MGMT: variants seen among roughly 807,000 people sequenced by gnomAD.
MGMT encodes the protein methylated-DNA--protein-cysteine methyltransferase.
A neutral mutation model predicts 15.9 loss-of-function variants in MGMT; 14 were observed. The ratio of observed to expected loss-of-function variants is 0.88; its 90% confidence interval spans 0.58 to 1.37. MGMT has a LOEUF of 1.37. MGMT is among the 40% of genes most tolerant of loss of function. The pLI is 0.00. For synonymous variants in MGMT, 130 were observed against 118.2 expected (o/e 1.10, Z -0.65); for missense variants, 282 against 268.1 (o/e 1.05, Z -0.36).
intron 2 of MGMT, among the ~76,000 whole-genome samples, chr10:129,618,146 T>G (rs1347942593): frequency 6.6e-6 from 1 of 152,262 alleles, no homozygotes; most frequent in Middle Eastern, 3.4e-3. Context: ...AGATTTACTT[T>G]TTAAAGTTTC....
intron 2 of MGMT, among the ~76,000 whole-genome samples, chr10:129,573,693 G>A (rs927036877): frequency 6.6e-6 from 1 of 151,862 alleles, no homozygotes; most frequent in African/African-American, 2.4e-5. Flanking sequence ...AGTATCTTTT[G>A]AATTACTCGA....
intron 3 of MGMT, among the ~76,000 whole-genome samples, chr10:129,716,078 C>G (rs1848292596): frequency 6.6e-6 from 1 of 152,214 alleles, no homozygotes; most frequent in Non-Finnish European, 1.5e-5. Context: ...GTCTCCAGCT[C>G]TGTAGCACGT....
intron 2 of MGMT, among the ~76,000 whole-genome samples, chr10:129,655,200 A>ACCC: frequency 6.6e-6 from 1 of 152,246 alleles, no homozygotes; most frequent in Middle Eastern, 3.4e-3. Flanking sequence ...GGCCCCGCGG[A>ACCC]GGGCCTGGGC....
chr10:129,726,931 A>G (rs981567887), intron 3 of MGMT, among the ~76,000 whole-genome samples: 2 of 152,234 alleles, frequency 1.3e-5, no homozygotes, highest in African/African-American at 4.8e-5. Flanking sequence ...TCTAATTTTG[A>G]GAACTTGGGA....
chr10:129,657,637 C>A (rs1261826306), intron 2 of MGMT, among the ~76,000 whole-genome samples: 1 of 140,022 alleles, frequency 7.1e-6, no homozygotes, highest in African/African-American at 2.8e-5. Flanking sequence ...GGAGGAGGAG[C>A]TGGAGCTGGG....
rs1554874807 is a variant in MGMT at position 129,657,728 on chromosome 10, C to CACACACACACACA, written c.126-50167_126-50166insACACACACACACA. On this transcript the variant is annotated intron_variant, in intron 2 of 4. Coordinates refer to ENST00000651593, the MANE Select transcript of MGMT (RefSeq NM_002412.5). ...ACACGCACACACACACACACACACA[C>CACACACACACACA]CCCCTCTCCCCCAAGGACCCACAAG... 5.1e-4 allele frequency among the ~76,000 whole-genome samples: 69 copies of CACACACACACACA among 136,138 alleles called. 3 individuals are homozygous for CACACACACACACA. Among genetic ancestry groups the CACACACACACACA allele is most frequent in the East Asian group, 1.2e-3 (6 of 4,836 alleles). The allele number at this position is 136,138 out of a possible 152,430, so 89.3% of individuals were successfully genotyped here.
chr10:129,527,086 C>T lies in MGMT; in HGVS notation c.-12-9155C>T, dbSNP rs557411028. 1.8e-4 allele frequency among the ~76,000 whole-genome samples: 28 copies of T among 152,302 alleles called. No individual in the cohort carries two copies. In the East Asian group the frequency reaches 2.9e-3, roughly 16 times the overall value. On this transcript the variant is annotated intron_variant, in intron 1 of 4. Transcript: ENST00000651593. ...CCTGTGGGGCCGTGGGCTTGTGCTT[C>T]GCCGGAGTGGGAAGTGGGGACATTA...
intron 2 of MGMT, among the ~76,000 whole-genome samples, chr10:129,590,603 A>G (rs537242638): frequency 5.3e-4 from 80 of 152,366 alleles, no homozygotes; most frequent in Non-Finnish European, 1.0e-3. Flanking sequence ...CAAGAAAAAG[A>G]ACGTAAACTT....
intron 1 of MGMT, among the ~76,000 whole-genome samples, chr10:129,520,258 G>A (rs908111472): frequency 6.6e-5 from 10 of 152,186 alleles, no homozygotes; most frequent in African/African-American, 2.2e-4. Context: ...ACAGCCGCTG[G>A]CACAGCTACC....
At chr10:129,752,680 A>G (rs967972905) in intron 3 of MGMT, among the ~76,000 whole-genome samples, 56 of 152,042 alleles carry the variant, frequency 3.7e-4, no homozygotes, top group Admixed American at 3.7e-3. Context: ...AATTAGAATC[A>G]CTGTTTTACC....
intron 2 of MGMT, among the ~76,000 whole-genome samples, chr10:129,591,037 G>T (rs1448482466): frequency 6.6e-6 from 1 of 152,210 alleles, no homozygotes; most frequent in Non-Finnish European, 1.5e-5. Context: ...CAAACGCAGT[G>T]TGTTTTCTGT....
intron 2 of MGMT, among the ~76,000 whole-genome samples, chr10:129,657,646 G>C (rs370394579): frequency 2.2e-5 from 3 of 135,242 alleles, no homozygotes; most frequent in Non-Finnish European, 4.5e-5. Context: ...GCTGGAGCTG[G>C]GGGGGGGACA....
At position 129,769,194 on chromosome 10, in the gene MGMT, G is replaced by C. The variant is rs1245583188; in HGVS notation, c.*2197G>C. The C allele has an allele frequency of 3.9e-5, 6 of 152,312 alleles. No individual in the cohort carries two copies. The highest frequency in any genetic ancestry group is 7.3e-5 in the Non-Finnish European group (5 of 68,122). 9.4% of individuals were successfully genotyped at this position (152,312 alleles called of 1,614,324 possible). A position where few individuals can be genotyped will look rare whatever the true frequency, so the allele number is the denominator to read the frequency against. On this transcript the variant is annotated 3_prime_UTR_variant, in exon 5 of 5. Transcript: ENST00000651593. ...TCCGAGGGTTTCCGCGGCCCTGTCAGAACAGGCTTGATAGATGCCCGGAGG... is the reference window on the plus strand; with the variant it reads ...TCCGAGGGTTTCCGCGGCCCTGTCACAACAGGCTTGATAGATGCCCGGAGG...
chr10:129,562,834 T>C (rs1298522617), intron 2 of MGMT, among the ~76,000 whole-genome samples: 1 of 152,202 alleles, frequency 6.6e-6, no homozygotes, highest in African/African-American at 2.4e-5. Flanking sequence ...GGAACACACA[T>C]GCTGAGTTAA....
intron 2 of MGMT, among the ~76,000 whole-genome samples, chr10:129,676,342 C>T (rs1847785842): frequency 6.6e-6 from 1 of 152,234 alleles, no homozygotes; most frequent in South Asian, 2.1e-4. Flanking sequence ...CCAGTTCCTT[C>T]TGTGAACATA....
intron 2 of MGMT, among the ~76,000 whole-genome samples, chr10:129,634,860 T>G (rs1847248224): frequency 6.6e-6 from 1 of 152,242 alleles, no homozygotes; most frequent in Non-Finnish European, 1.5e-5. Context: ...CTTCTTTGTG[T>G]GCCTGGTAAT....
intron 1 of MGMT, among the ~76,000 whole-genome samples, chr10:129,489,058 A>T (rs994056835): frequency 2.6e-5 from 4 of 152,140 alleles, no homozygotes; most frequent in Admixed American, 6.6e-5. Context: ...GCTTTAGGCT[A>T]ACTCTTAAAA....
intron 2 of MGMT, among the ~76,000 whole-genome samples, chr10:129,569,399 T>C (rs1357265144): frequency 6.6e-6 from 1 of 152,252 alleles, no homozygotes; most frequent in South Asian, 2.1e-4. Context: ...TGTCCTCGGG[T>C]TAGCTGCCCT....
chr10:129,666,509 AT>A (rs1220296133), intron 2 of MGMT, among the ~76,000 whole-genome samples: 1 of 152,042 alleles, frequency 6.6e-6, no homozygotes, highest in Non-Finnish European at 1.5e-5. Flanking sequence ...AGCCATATAT[AT>A]TTTTTAATGT....
Sources: allele counts gnomAD v4.1 joint callset (sites outside exome capture counted in the v4.1 genomes callset), GRCh38; gene constraint gnomAD v4.1.1; transcripts MANE v1.5; gene names NCBI Gene and HGNC (gene_info 2026-07-23, HGNC 2026-07-21).